The following SLAIN2 variants were observed in gnomAD, a reference collection of about 807,000 sequenced individuals.
SLAIN2 encodes the protein SLAIN motif-containing protein 2.
In SLAIN2, 31 loss-of-function variants were observed where a neutral mutation model predicts 56.6. The observed-to-expected ratio is 0.55, with a 90% CI of 0.41 to 0.74. The LOEUF (loss-of-function observed/expected upper bound fraction) is 0.74. Among genes scored for constraint, SLAIN2 ranks in the 30% least tolerant of loss-of-function variants. The pLI, the probability that SLAIN2 is intolerant of heterozygous loss-of-function variation, is 0.00. For synonymous variants in SLAIN2, 317 were observed against 284.9 expected, an observed-to-expected ratio of 1.11 and a Z score of -1.13; for missense variants, 777 against 754.2, an observed-to-expected ratio of 1.03 and a Z score of -0.35.
chr4:48,360,961 T>C (rs1715311969), intron 1 of SLAIN2, among the ~76,000 whole-genome samples: 1 of 152,238 alleles, frequency 6.6e-6, no homozygotes, highest in Admixed American at 6.5e-5. Flanking sequence ...AAATGTCTCT[T>C]TTCAAATTAT....
chr4:48,404,114 C>T (rs537579954), intron 6 of SLAIN2, among the ~76,000 whole-genome samples: 38 of 152,074 alleles, frequency 2.5e-4, no homozygotes, highest in Non-Finnish European at 4.6e-4. Flanking sequence ...AGTCCCAGTG[C>T]GAGAACCTGG....
chr4:48,409,051 A>G (rs1053916317), intron 6 of SLAIN2, among the ~76,000 whole-genome samples: 1 of 152,150 alleles, frequency 6.6e-6, no homozygotes, highest in Non-Finnish European at 1.5e-5. Flanking sequence ...ATTTTTAAAA[A>G]TTTTTTGTGT....
intron 1 of SLAIN2, 87 bp from the exon 2 acceptor site, chr4:48,369,762 C>T: frequency 1.6e-6 from 2 of 1,224,412 alleles, no homozygotes; most frequent in Non-Finnish European, 2.3e-6. Context: ...TCCCTTCTCC[C>T]CTATTTAAAT....
At position 48,341,919 on chromosome 4, in the gene SLAIN2, C is replaced by A; in HGVS notation, c.180C>A (p.Gly60=). ...VRAGASIPSS[G]AASPRGFPLG... ...CCGGCGCGTCCATTCCCTCCTCCGG[C>A]GCGGCGTCTCCTCGGGGCTTCCCCT... Residue 60 remains glycine (G), a synonymous_variant, in exon 1 of 8, where the codon GGC becomes GGA. Transcript: ENST00000264313. 6.6e-7 allele frequency: 1 copy of A among 1,505,326 alleles called. No homozygotes were observed. The highest frequency in any genetic ancestry group is 8.9e-7 in the Non-Finnish European group (1 of 1,128,844). The allele number at this position is 1,505,326 out of a possible 1,614,324, so 93.2% of individuals were successfully genotyped here.
chr4:48,361,544 G>C (rs540924321), intron 1 of SLAIN2, among the ~76,000 whole-genome samples: 4 of 152,206 alleles, frequency 2.6e-5, no homozygotes, highest in Non-Finnish European at 5.9e-5. Context: ...AGTCAGATTT[G>C]TGTTTTAGAA....
At chr4:48,412,683 T>A (rs571658334) in intron 6 of SLAIN2, among the ~76,000 whole-genome samples, 1 of 152,306 alleles carries the variant, frequency 6.6e-6, no homozygotes, top group East Asian at 1.9e-4. Flanking sequence ...GAAGCCCTAT[T>A]TTCGGGGCAT....
intron 6 of SLAIN2, among the ~76,000 whole-genome samples, chr4:48,414,138 T>G (rs1055146111): frequency 2.0e-5 from 3 of 152,226 alleles, no homozygotes; most frequent in African/African-American, 4.8e-5. Flanking sequence ...TAATTTTTGC[T>G]CAGAGCAGAT....
At chr4:48,375,849 C>T (rs576511522) in intron 2 of SLAIN2, among the ~76,000 whole-genome samples, 1 of 152,352 alleles carries the variant, frequency 6.6e-6, no homozygotes, top group East Asian at 1.9e-4. Context: ...CTGAGTAAAG[C>T]ACATACTTTC....
intron 6 of SLAIN2, among the ~76,000 whole-genome samples, chr4:48,397,082 A>G (rs369144351): frequency 2.2e-4 from 34 of 152,316 alleles, no homozygotes; most frequent in African/African-American, 7.7e-4. Context: ...TGCTTTGAGA[A>G]AGATTTTATT....
intron 6 of SLAIN2, among the ~76,000 whole-genome samples, chr4:48,401,349 G>C (rs1716549984): frequency 6.6e-6 from 1 of 152,150 alleles, no homozygotes; most frequent in Admixed American, 6.5e-5. Context: ...CTGTCTCGAT[G>C]TTCTGTCTAA....
At chr4:48,401,319 C>CTAATA (rs1560463062) in intron 6 of SLAIN2, among the ~76,000 whole-genome samples, 1 of 152,016 alleles carries the variant, frequency 6.6e-6, no homozygotes, top group East Asian at 1.9e-4. Context: ...GGTTCAGGTC[C>CTAATA]TAATATCTTT....
At chr4:48,370,352 T>C (rs969099345) in intron 2 of SLAIN2, among the ~76,000 whole-genome samples, 1 of 152,192 alleles carries the variant, frequency 6.6e-6, no homozygotes, top group African/African-American at 2.4e-5. Flanking sequence ...GAAACTGGTG[T>C]GGTAGAAAGA....
intron 6 of SLAIN2, among the ~76,000 whole-genome samples, chr4:48,387,763 A>T (rs1716137096): frequency 6.6e-6 from 1 of 152,048 alleles, no homozygotes; most frequent in African/African-American, 2.4e-5. Flanking sequence ...AAGTGTTACC[A>T]ATTTATCTTG....
intron 1 of SLAIN2, among the ~76,000 whole-genome samples, chr4:48,353,527 G>T (rs421833): frequency 1.3e-5 from 2 of 151,812 alleles, no homozygotes; most frequent in African/African-American, 4.8e-5. Context: ...CAAAGAATCC[G>T]TGGGTTAAAC....
rs117488618 is a variant in SLAIN2, at chr4:48,347,897, A to T, written c.389+5769A>T. Among the ~76,000 whole-genome samples, 632 of 152,340 alleles carry T rather than the reference A, an allele frequency of 4.1e-3. 13 individuals carry two copies. The highest frequency in any genetic ancestry group is 0.028 in the Admixed American group (425 of 15,304). On this transcript the variant is annotated intron_variant, in intron 1 of 7. Transcript: ENST00000264313. The stretch of plus-strand genomic sequence containing the variant: ...TTTTTGTGTCTGGCTTATTTCATTT[A>T]GCATTATGTTTTCACAGTACATCCA...
chr4:48,382,470 C>T, intron 4 of SLAIN2, 98 bp from the exon 5 acceptor site: 2 of 1,257,320 alleles, frequency 1.6e-6, no homozygotes, highest in East Asian at 2.6e-5. Context: ...ACTTTACACC[C>T]TCTTTGAATT....
At chr4:48,353,512 A>G (rs1174188088) in intron 1 of SLAIN2, among the ~76,000 whole-genome samples, 1 of 152,170 alleles carries the variant, frequency 6.6e-6, no homozygotes, top group Non-Finnish European at 1.5e-5. Context: ...GAAAATAACT[A>G]TGAACAAAGA....
intron 1 of SLAIN2, among the ~76,000 whole-genome samples, chr4:48,353,925 A>G (rs1041427773): frequency 6.6e-6 from 1 of 152,230 alleles, no homozygotes; most frequent in Admixed American, 6.5e-5. Flanking sequence ...TTGAATATGT[A>G]GAGAGAAAAC....
intron 6 of SLAIN2, among the ~76,000 whole-genome samples, chr4:48,393,505 C>T (rs2109771276): frequency 6.6e-6 from 1 of 152,132 alleles, no homozygotes; most frequent in East Asian, 1.9e-4. Flanking sequence ...CTCCCAAAGG[C>T]CTGTAAGTGC....
Sources: gnomAD v4.1 joint callset for allele counts (sites outside exome capture counted in the v4.1 genomes callset) on GRCh38, gnomAD v4.1.1 for gene constraint, MANE v1.5 for transcripts, NCBI Gene and HGNC (gene_info 2026-07-23, HGNC 2026-07-21) for gene names.